DLGAP2: variants seen among roughly 807,000 people sequenced by gnomAD.
DLGAP2 encodes disks large-associated protein 2.
In DLGAP2, 26 loss-of-function variants were observed where a neutral mutation model predicts 100.3. That is an observed-to-expected ratio of 0.26 (90% confidence interval 0.19 to 0.36). The LOEUF (loss-of-function observed/expected upper bound fraction) is 0.36, where lower values mean the gene tolerates loss of function less well. Among genes scored for constraint, DLGAP2 ranks in the 10% least tolerant of loss-of-function variants. The pLI is 1.00. For missense variants in DLGAP2, 1,858 were observed against 1,453.2 expected (o/e 1.28, Z -4.53); for synonymous variants, 886 against 630.1 (o/e 1.41, Z -6.08).
chr8:1,333,476 G>A (rs894403387), intron 3 of DLGAP2, among the ~76,000 whole-genome samples: 20 of 152,266 alleles, frequency 1.3e-4, no homozygotes, highest in South Asian at 4.1e-4. Context: ...TGTCTAAATA[G>A]CGATGTTTTG....
At chr8:1,435,127 C>T (rs573580322) in intron 3 of DLGAP2, among the ~76,000 whole-genome samples, 1 of 152,214 alleles carries the variant, frequency 6.6e-6, no homozygotes, top group Non-Finnish European at 1.5e-5. Context: ...CTACTGTGTC[C>T]TCTTGTATTT....
chr8:1,303,986 G>T (rs763794634), intron 3 of DLGAP2, among the ~76,000 whole-genome samples: 1 of 152,184 alleles, frequency 6.6e-6, no homozygotes, highest in Non-Finnish European at 1.5e-5. Flanking sequence ...CATTTGTGAG[G>T]AGAGTGCAGA....
At chr8:954,758 G>A (rs747766702) in intron 2 of DLGAP2, among the ~76,000 whole-genome samples, 1 of 152,176 alleles carries the variant, frequency 6.6e-6, no homozygotes, top group South Asian at 2.1e-4. Flanking sequence ...TGGTTAGCCT[G>A]GGTGGGGAAG....
chr8:920,934 C>A (rs1458243394), intron 2 of DLGAP2, among the ~76,000 whole-genome samples: 1 of 152,200 alleles, frequency 6.6e-6, no homozygotes, highest in Non-Finnish European at 1.5e-5. Flanking sequence ...TCCTGGTCCT[C>A]ACCCCACTTT....
chr8:1,031,815 A>C (rs1801982139), intron 2 of DLGAP2, among the ~76,000 whole-genome samples: 2 of 152,256 alleles, frequency 1.3e-5, no homozygotes, highest in Admixed American at 6.5e-5. Flanking sequence ...TATGATTCTT[A>C]GAAGATCTCT....
intron 2 of DLGAP2, among the ~76,000 whole-genome samples, chr8:1,224,343 TCA>T (rs1283188432): frequency 6.6e-6 from 1 of 152,220 alleles, no homozygotes; most frequent in Admixed American, 6.5e-5. Context: ...GGAAAAATTT[TCA>T]CTGTCATATC....
chr8:851,238 A>G (rs1274010530), intron 1 of DLGAP2, among the ~76,000 whole-genome samples: 2 of 152,216 alleles, frequency 1.3e-5, no homozygotes, highest in East Asian at 3.8e-4. Context: ...CATTCAACCC[A>G]GGGGTGTGGT....
At chr8:1,056,878 A>G (rs1045259555) in intron 2 of DLGAP2, among the ~76,000 whole-genome samples, 1 of 152,256 alleles carries the variant, frequency 6.6e-6, no homozygotes, top group African/African-American at 2.4e-5. Flanking sequence ...AACTTAGTAA[A>G]TAGCATTTCC....
intron 1 of DLGAP2, among the ~76,000 whole-genome samples, chr8:877,826 C>T (rs1585963691): frequency 6.6e-6 from 1 of 152,174 alleles, no homozygotes; most frequent in African/African-American, 2.4e-5. Flanking sequence ...TGTTCCACGG[C>T]TCTGAATGCT....
chr8:932,637 G>A (rs1798984128), intron 2 of DLGAP2, among the ~76,000 whole-genome samples: 1 of 152,084 alleles, frequency 6.6e-6, no homozygotes, highest in Non-Finnish European at 1.5e-5. Flanking sequence ...ATTATGTGAA[G>A]GGCTATTATG....
intron 1 of DLGAP2, among the ~76,000 whole-genome samples, chr8:905,942 C>T (rs186832939): frequency 6.6e-5 from 10 of 152,356 alleles, no homozygotes; most frequent in African/African-American, 2.4e-4. Context: ...GTGATAGAGT[C>T]CCATGCTCTG....
At chr8:1,298,444 C>G (rs1800244845) in intron 3 of DLGAP2, among the ~76,000 whole-genome samples, 1 of 152,170 alleles carries the variant, frequency 6.6e-6, no homozygotes, top group Non-Finnish European at 1.5e-5. Context: ...ACGTTCTGTA[C>G]TGGGGTATAA....
intron 4 of DLGAP2, among the ~76,000 whole-genome samples, chr8:1,540,473 A>T (rs915572780): frequency 6.6e-6 from 1 of 152,226 alleles, no homozygotes; most frequent in African/African-American, 2.4e-5. Context: ...TTTAAAACTC[A>T]TACCACAGAA....
intron 2 of DLGAP2, among the ~76,000 whole-genome samples, chr8:967,185 C>G (rs143148914): frequency 6.6e-6 from 1 of 152,242 alleles, no homozygotes; most frequent in Non-Finnish European, 1.5e-5. Context: ...GTGTCATGTG[C>G]TCATACACTG....
intron 2 of DLGAP2, among the ~76,000 whole-genome samples, chr8:1,115,299 C>A (rs1220860358): frequency 6.6e-6 from 1 of 152,184 alleles, no homozygotes; most frequent in East Asian, 1.9e-4. Context: ...TTGACGTCTT[C>A]CACTATTATT....
chr8:750,101 C>T (rs773694801), intron 1 of DLGAP2, among the ~76,000 whole-genome samples: 1 of 152,266 alleles, frequency 6.6e-6, no homozygotes, highest in African/African-American at 2.4e-5. Flanking sequence ...GTCTTCCAAG[C>T]ACGCTCACAT....
intron 8 of DLGAP2, among the ~76,000 whole-genome samples, chr8:1,661,754 C>T (rs974032292): frequency 6.6e-6 from 1 of 152,150 alleles, no homozygotes; most frequent in African/African-American, 2.4e-5. Context: ...GAAAGGAACT[C>T]AGATAAGACA....
rs1202709691 is a variant in DLGAP2 at position 810,742 on chromosome 8, A to G, written c.18+72917A>G. On this transcript the variant is annotated intron_variant, in intron 1 of 14. Transcript: ENST00000637795. ...AAAAATAGCTGGCGGTGATTTATGA[A>G]TCAGTTCCTTCATCTTATCCTGTGG... Among the ~76,000 whole-genome samples the G allele has an allele frequency of 4.6e-5, 7 of 152,222 alleles. No individual in the cohort carries two copies. The East Asian group carries it at 1.2e-3, about 25-fold the overall frequency.
intron 3 of DLGAP2, among the ~76,000 whole-genome samples, chr8:1,288,667 TGTTTC>T (rs1799992809): frequency 1.4e-5 from 2 of 143,838 alleles, no homozygotes; most frequent in Admixed American, 7.0e-5. Context: ...GAGGGGAACT[TGTTTC>T]GGTTCAGTGT....
Sources: allele counts gnomAD v4.1 joint callset (sites outside exome capture counted in the v4.1 genomes callset), GRCh38; gene constraint gnomAD v4.1.1; transcripts MANE v1.5; gene names NCBI Gene and HGNC (gene_info 2026-07-23, HGNC 2026-07-21).